Variants in RBM22 observed in about 807,000 individuals in gnomAD.
The protein encoded by RBM22 is RNA binding motif protein 22.
A neutral mutation model predicts 50.1 loss-of-function variants in RBM22; 1 was observed. The observed-to-expected ratio is 0.02, with a 90% confidence interval of 0.01 to 0.09. The LOEUF is 0.09. RBM22 is among the 10% of genes least tolerant of loss of function. RBM22 has a pLI of 1.00. For missense variants in RBM22, 264 were observed against 529.3 expected, an observed-to-expected ratio of 0.50 and a Z score of 4.92; for synonymous variants, 152 against 179.0, an observed-to-expected ratio of 0.85 and a Z score of 1.20.
rs752835532 is a variant in RBM22 at position 150,694,032 on chromosome 5, A to C, written c.911+44T>G. The stretch of plus-strand genomic sequence containing the variant: ...TCTCCAGAAAATGAAATAGTTTCTT[A>C]AAAATCTAAGCAAAATGTCACTTAA... On this transcript the variant is annotated intron_variant, in intron 8 of 10. Coordinates refer to ENST00000199814, the MANE Select transcript of RBM22 (RefSeq NM_018047.3). The C allele has an allele frequency of 2.5e-6, 4 of 1,589,994 alleles. No homozygotes were observed. The Admixed American group carries it at 7.1e-5, about 28-fold the overall frequency.
At chr5:150,693,817 T>C (rs1759239864) in intron 8 of RBM22, among the ~76,000 whole-genome samples, 1 of 152,252 alleles carries the variant, frequency 6.6e-6, no homozygotes, top group Non-Finnish European at 1.5e-5. Context: ...GCATTATACT[T>C]GGCCTATAAT....
chr5:150,700,381 C>T, intron 2 of RBM22, 63 bp downstream of exon 2: 1 of 1,468,190 alleles, frequency 6.8e-7, no homozygotes, highest in Non-Finnish European at 9.5e-7. Context: ...AAACACTTCA[C>T]AGTGTGCAAG....
At chr5:150,695,114 T>TCAA in intron 7 of RBM22, among the ~76,000 whole-genome samples, 1 of 152,124 alleles carries the variant, frequency 6.6e-6, no homozygotes, top group Non-Finnish European at 1.5e-5. Flanking sequence ...GCAGCCTTGA[T>TCAA]CTCCCAAGCT....
At position 150,696,772 on chromosome 5, in the gene RBM22, C is replaced by T; in HGVS notation, c.372+19G>A. ...TGTGTCAATTCATTAGGATTTTTAT[C>T]CAAAAAGTGGCAGCATACCTCTCTC... On this transcript the variant is annotated intron_variant, in intron 5 of 10. Transcript: ENST00000199814. The surrounding 1 kb of genome is among the most constrained non-coding windows in gnomAD (Gnocchi z 4.3). The T allele has an allele frequency of 6.2e-7, 1 of 1,613,576 alleles. No individual in the cohort carries two copies.
In RBM22 at chr5:150,691,986, T is replaced by A. The variant is rs376911789; in HGVS notation, c.1133-105A>T. 4 of 1,234,896 alleles carry A rather than the reference T, an allele frequency of 3.2e-6. No individual in the cohort carries two copies. The South Asian group carries it at 7.9e-5, about 24-fold the overall frequency. 76.5% of individuals were successfully genotyped at this position (1,234,896 alleles called of 1,614,324 possible). On this transcript the variant is annotated intron_variant, in intron 10 of 10. Transcript: ENST00000199814. ...AAAACCACCTACACATAAATCAAGG[T>A]TGACACGGGGCTTAAGCAAATGTCA...
chr5:150,700,192 C>T (rs1398285298), intron 2 of RBM22, among the ~76,000 whole-genome samples: 2 of 152,212 alleles, frequency 1.3e-5, no homozygotes, highest in East Asian at 3.8e-4. Flanking sequence ...AACGCTCTCA[C>T]CTTCTGGTCA....
rs1170545872 is a variant in RBM22 at position 150,693,312 on chromosome 5, G to A, written c.912-5C>T. 1 of 1,610,142 alleles carries A rather than the reference G, an allele frequency of 6.2e-7. No homozygotes were observed. Among genetic ancestry groups the A allele is most frequent in the South Asian group, 1.1e-5 (1 of 90,998 alleles). ...TTTCCTCTGGCTGCCTGGGATCTGG[G>A]AAACACACATGCATACAGTCGGCAC... is the stretch of plus-strand genomic sequence containing the variant. On this transcript the variant is annotated splice_region_variant and splice_polypyrimidine_tract_variant and intron_variant, in intron 8 of 10. Coordinates refer to ENST00000199814, the MANE Select transcript of RBM22 (RefSeq NM_018047.3).
chr5:150,699,406 A>AAAAAACC lies in RBM22; in HGVS notation c.109-136_109-135insGGTTTTT, dbSNP rs1759316349. On this transcript the variant is annotated intron_variant, in intron 2 of 10. Coordinates refer to ENST00000199814, the MANE Select transcript of RBM22 (RefSeq NM_018047.3). ...TCCTAGAGAGAGAAAAACAGCAACA[A>AAAAAACC]CAAAACCCAAAACCCAACCTTTTTT... is the stretch of plus-strand genomic sequence containing the variant. 5 of 1,260,400 alleles carry AAAAAACC rather than the reference A, an allele frequency of 4.0e-6. No individual in the cohort carries two copies. In the East Asian group the frequency reaches 1.4e-4, roughly 35 times the overall value. The allele number at this position is 1,260,400 out of a possible 1,614,324, so 78.1% of individuals were successfully genotyped here.
intron 6 of RBM22, 138 bp from the exon 7 acceptor site, chr5:150,695,844 A>G: frequency 1.5e-6 from 1 of 688,220 alleles, no homozygotes; most frequent in East Asian, 2.7e-5. Flanking sequence ...GGTTTCTACC[A>G]AAATATAATT....
rs1431188709 is a variant in RBM22, at chr5:150,696,460, TAA to T, written c.545+71_545+72del. On this transcript the variant is annotated intron_variant, in intron 6 of 10. Transcript: ENST00000199814. This position sits in a 1 kb window ranked among gnomAD's most constrained non-coding sequence, Gnocchi z 4.3. ...TTTAGATTTTAAAGCAGAAACAGTTTAAGTTAGGACCTCCCACTTCTTAGATG... is the reference window on the plus strand; with the variant it reads ...TTTAGATTTTAAAGCAGAAACAGTTTGTTAGGACCTCCCACTTCTTAGATG... The T allele has an allele frequency of 3.7e-5, 55 of 1,471,706 alleles. No homozygotes were observed. The Admixed American group carries it at 1.0e-3, about 27-fold the overall frequency. The allele number at this position is 1,471,706 out of a possible 1,614,324, so 91.2% of individuals were successfully genotyped here.
At position 150,699,412 on chromosome 5, in the gene RBM22, C is replaced by A. The variant is rs1000731922; in HGVS notation, c.109-141G>T. ...AGAGAGAAAAACAGCAACAACAAAA[C>A]CCAAAACCCAACCTTTTTTGGGAAG... On this transcript the variant is annotated intron_variant, in intron 2 of 10. Coordinates refer to ENST00000199814, the MANE Select transcript of RBM22 (RefSeq NM_018047.3). 18 of 1,163,552 alleles carry A rather than the reference C, an allele frequency of 1.5e-5. No individual in the cohort carries two copies. In the African/African-American group the frequency reaches 2.7e-4, roughly 17 times the overall value. The allele number at this position is 1,163,552 out of a possible 1,614,324, so 72.1% of individuals were successfully genotyped here.
In RBM22 at chr5:150,696,455, C is replaced by T; in HGVS notation, c.545+78G>A. The T allele has an allele frequency of 7.0e-7, 1 of 1,435,770 alleles. No individual in the cohort carries two copies. Among genetic ancestry groups the T allele is most frequent in the South Asian group, 1.3e-5 (1 of 77,066 alleles). The allele number at this position is 1,435,770 out of a possible 1,614,324, so 88.9% of individuals were successfully genotyped here. On this transcript the variant is annotated intron_variant, in intron 6 of 10. Coordinates refer to ENST00000199814, the MANE Select transcript of RBM22 (RefSeq NM_018047.3). This position sits in a 1 kb window ranked among gnomAD's most constrained non-coding sequence, Gnocchi z 4.3. The stretch of plus-strand genomic sequence containing the variant: ...TGACCTTTAGATTTTAAAGCAGAAA[C>T]AGTTTAAGTTAGGACCTCCCACTTC...
intron 4 of RBM22, among the ~76,000 whole-genome samples, chr5:150,697,319 G>A (rs1183145308): frequency 1.3e-5 from 2 of 152,166 alleles, no homozygotes; most frequent in Non-Finnish European, 2.9e-5. Flanking sequence ...CTACCCAGGA[G>A]GCTGAGGTGG....
rs1759212861 is a variant in RBM22, at chr5:150,691,821, C to T, written c.1193G>A (p.Gly398Glu). Residue 398 changes from glycine to glutamate, a missense_variant, in exon 11 of 11, where the codon GGA becomes GAA. By Grantham distance (98) the Gly-to-Glu change is moderately conservative. This residue lies in a region of RBM22 where 106 missense variants were observed against 137.1 expected (regional missense o/e 0.77). Transcript: ENST00000199814. ...GPPPPFMRAP[G>E]PIHYPSQDPQ... ...GTCCTGAGAAGGATAGTGGATTGGT[C>T]CTGGAGCCCGCATGAAAGGAGGGGG... 2.5e-6 allele frequency: 4 copies of T among 1,601,114 alleles called. No homozygotes were observed. Among genetic ancestry groups the T allele is most frequent in the African/African-American group, 1.3e-5 (1 of 74,812 alleles).
In RBM22 at chr5:150,691,228, GGCTGT is replaced by G. The variant is rs1458599786; in HGVS notation, c.*518_*522del. The G allele has an allele frequency of 2.6e-5, 4 of 152,316 alleles. No homozygotes were observed. The highest frequency in any genetic ancestry group is 4.4e-5 in the Non-Finnish European group (3 of 68,052). The allele number at this position is 152,316 out of a possible 1,614,324, so 9.4% of individuals were successfully genotyped here. A position where few individuals can be genotyped will look rare whatever the true frequency, so the allele number is the denominator to read the frequency against. On this transcript the variant is annotated 3_prime_UTR_variant, in exon 11 of 11. Coordinates refer to ENST00000199814, the MANE Select transcript of RBM22 (RefSeq NM_018047.3). Reference sequence around the variant, plus strand: ...AAAAGGAGAGGAAAGAGAAGATCTGGGCTGTGCTGGTGCTGGTTTCTACTCATCTT... The same window carrying G: ...AAAAGGAGAGGAAAGAGAAGATCTGGGCTGGTGCTGGTTTCTACTCATCTT...
At chr5:150,692,871 G>A in intron 10 of RBM22, 24 bp downstream of exon 10, 1 of 1,572,306 alleles carries the variant, frequency 6.4e-7, no homozygotes, top group Non-Finnish European at 8.6e-7. Context: ...ATTTCTCTGG[G>A]CTAAGAAGGA....
At chr5:150,698,427 G>A in intron 4 of RBM22, 72 bp downstream of exon 4, 1 of 1,544,382 alleles carries the variant, frequency 6.5e-7, no homozygotes. Context: ...GGTGCGAAGT[G>A]GGAGACAAAA....
chr5:150,692,808 T>A (rs1270130854), intron 10 of RBM22, 87 bp downstream of exon 10: 5 of 1,355,422 alleles, frequency 3.7e-6, no homozygotes, highest in Non-Finnish European at 5.0e-6. Context: ...ACTCACAGGA[T>A]TTGGATGTGT....
chr5:150,698,959 T>A (rs1759310333), intron 3 of RBM22, among the ~76,000 whole-genome samples: 1 of 152,116 alleles, frequency 6.6e-6, no homozygotes, highest in Non-Finnish European at 1.5e-5. Context: ...AGAATGACCT[T>A]CCTCCTCAGC....
Sources: gnomAD v4.1 joint callset for allele counts (sites outside exome capture counted in the v4.1 genomes callset) on GRCh38, gnomAD v4.1.1 for gene constraint, gnomAD v4.1.1 regional missense constraint, Gnocchi (gnomAD v3.1) non-coding constraint, MANE v1.5 for transcripts, NCBI Gene and HGNC (gene_info 2026-07-23, HGNC 2026-07-21) for gene names.